INPP4B: variants seen among roughly 807,000 people sequenced by gnomAD.
INPP4B encodes inositol polyphosphate 4-phosphatase type II.
Under a neutral mutation model 122.5 loss-of-function variants are expected in INPP4B, and 55 were observed. That is an observed-to-expected ratio of 0.45 (90% confidence interval 0.36 to 0.56). The LOEUF (loss-of-function observed/expected upper bound fraction) is 0.56. Among genes scored for constraint, INPP4B ranks in the 20% least tolerant of loss-of-function variants. The pLI is 0.00. For missense variants in INPP4B, 1,000 were observed against 1,097.7 expected (o/e 0.91, Z 1.26); for synonymous variants, 403 against 388.7 (o/e 1.04, Z -0.43).
At chr4:142,405,137 GAGCAAGAGCGAGCGAGCCAGCA>G in intron 6 of INPP4B, 47 bp downstream of exon 6, 1 of 875,506 alleles carries the variant, frequency 1.1e-6, no homozygotes, top group Non-Finnish European at 1.9e-6. Flanking sequence ...GGGAGAGAGA[GAGCAAGAGCGAGCGAGCCAGCA>G]AGAGAGAGAG....
intron 2 of INPP4B, among the ~76,000 whole-genome samples, chr4:142,500,673 C>G (rs1823247886): frequency 6.6e-6 from 1 of 152,134 alleles, no homozygotes; most frequent in South Asian, 2.1e-4. Context: ...GAACATGGGA[C>G]TGCTAATATC....
At chr4:142,571,648 A>G (rs1560815708) in intron 2 of INPP4B, among the ~76,000 whole-genome samples, 3 of 152,174 alleles carry the variant, frequency 2.0e-5, no homozygotes, top group Admixed American at 2.0e-4. Flanking sequence ...TTTCACATCT[A>G]TCTATAGACT....
chr4:142,345,579 T>C (rs546533941), intron 7 of INPP4B, among the ~76,000 whole-genome samples: 1 of 152,136 alleles, frequency 6.6e-6, no homozygotes, highest in African/African-American at 2.4e-5. Context: ...AAGCACATAC[T>C]TGGTGGGAAA....
chr4:142,639,962 C>T (rs2150473671), intron 2 of INPP4B, among the ~76,000 whole-genome samples: 2 of 152,036 alleles, frequency 1.3e-5, no homozygotes, highest in Middle Eastern at 6.8e-3. Flanking sequence ...CTAGATGTGA[C>T]CATGCAGAAG....
chr4:142,190,212 T>TG (rs1554001358), intron 15 of INPP4B, among the ~76,000 whole-genome samples: 7 of 11,252 alleles, frequency 6.2e-4, no homozygotes, highest in South Asian at 0.053. Context: ...TTTTTGTTTT[T>TG]TTTTTTTTGG....
chr4:142,709,553 T>C (rs1762866687), intron 2 of INPP4B, among the ~76,000 whole-genome samples: 1 of 152,102 alleles, frequency 6.6e-6, no homozygotes, highest in Admixed American at 6.6e-5. Flanking sequence ...TCTGATTGTT[T>C]AAAACTATGT....
At chr4:142,610,714 A>G (rs1199189091) in intron 2 of INPP4B, among the ~76,000 whole-genome samples, 1 of 152,162 alleles carries the variant, frequency 6.6e-6, no homozygotes, top group Non-Finnish European at 1.5e-5. Context: ...AAATTATTTG[A>G]TTCTATATTG....
intron 11 of INPP4B, among the ~76,000 whole-genome samples, chr4:142,257,834 C>A (rs1421087155): frequency 1.3e-5 from 2 of 151,836 alleles, no homozygotes; most frequent in Non-Finnish European, 2.9e-5. Context: ...ACTTTCTTCA[C>A]AGAATTGGAA....
At chr4:142,090,365 C>T (rs946340950) in intron 23 of INPP4B, among the ~76,000 whole-genome samples, 1 of 148,964 alleles carries the variant, frequency 6.7e-6, no homozygotes, top group Admixed American at 6.8e-5. Context: ...TCAGAGCACA[C>T]CTCTATCAAC....
chr4:142,553,019 T>C (rs892572224), intron 2 of INPP4B, among the ~76,000 whole-genome samples: 2 of 152,328 alleles, frequency 1.3e-5, no homozygotes, highest in African/African-American at 2.4e-5. Context: ...CAACACTGTA[T>C]GCTGAAGACC....
At chr4:142,084,675 T>C (rs1207976558) in intron 24 of INPP4B, among the ~76,000 whole-genome samples, 2 of 152,200 alleles carry the variant, frequency 1.3e-5, no homozygotes, top group African/African-American at 4.8e-5. Context: ...GAGTAAATCA[T>C]ATTTGGTCAG....
intron 2 of INPP4B, among the ~76,000 whole-genome samples, chr4:142,591,427 AAAAT>A (rs2150248652): frequency 1.3e-5 from 2 of 152,312 alleles, no homozygotes; most frequent in African/African-American, 4.8e-5. Context: ...CCCAAAGTAT[AAAAT>A]AAATAACCTA....
intron 12 of INPP4B, among the ~76,000 whole-genome samples, chr4:142,236,601 C>A (rs1404373038): frequency 6.6e-6 from 1 of 152,104 alleles, no homozygotes; most frequent in East Asian, 1.9e-4. Context: ...CATTTTTAGT[C>A]TTTATTTCCC....
intron 15 of INPP4B, among the ~76,000 whole-genome samples, chr4:142,187,555 C>T (rs1224278944): frequency 1.3e-5 from 2 of 151,344 alleles, no homozygotes; most frequent in Non-Finnish European, 2.9e-5. Context: ...TATACATTTG[C>T]ATACCATATA....
intron 18 of INPP4B, among the ~76,000 whole-genome samples, chr4:142,135,468 G>A (rs1199744665): frequency 6.6e-6 from 1 of 152,170 alleles, no homozygotes. Flanking sequence ...AAAATCAGAA[G>A]GGATGACAAC....
intron 2 of INPP4B, among the ~76,000 whole-genome samples, chr4:142,598,121 T>C (rs1056970823): frequency 2.6e-4 from 40 of 152,264 alleles, no homozygotes; most frequent in Non-Finnish European, 4.1e-4. Context: ...TGGGGACCAC[T>C]AGAGGCACAG....
At chr4:142,593,498 TTCTC>T (rs1179152387) in intron 2 of INPP4B, among the ~76,000 whole-genome samples, 2 of 152,130 alleles carry the variant, frequency 1.3e-5, no homozygotes, top group Non-Finnish European at 1.5e-5. Context: ...ATCTTCAATT[TTCTC>T]ATCTCACTTT....
At chr4:142,426,003 T>C (rs1366597711) in intron 5 of INPP4B, among the ~76,000 whole-genome samples, 2 of 145,960 alleles carry the variant, frequency 1.4e-5, no homozygotes, top group Non-Finnish European at 3.1e-5. Flanking sequence ...TCAAGAACAT[T>C]ACTTCAGAGC....
chr4:142,388,412 A>C (rs2148952472), intron 7 of INPP4B, among the ~76,000 whole-genome samples: 1 of 152,152 alleles, frequency 6.6e-6, no homozygotes, highest in African/African-American at 2.4e-5. Flanking sequence ...CAGTTGACTA[A>C]ATTATTTTTC....
Sources: allele counts gnomAD v4.1 joint callset (sites outside exome capture counted in the v4.1 genomes callset), GRCh38; gene constraint gnomAD v4.1.1; transcripts MANE v1.5; gene names NCBI Gene and HGNC (gene_info 2026-07-23, HGNC 2026-07-21).